The following VARS1 variants were observed in gnomAD, a reference collection of about 807,000 sequenced individuals.
VARS1 encodes valyl-tRNA synthetase 1.
VARS1 carries 92 observed loss-of-function variants against 161.0 expected under a neutral mutation model. The observed-to-expected ratio is 0.57, with a 90% CI of 0.48 to 0.68. VARS1 has a LOEUF of 0.68. Ranked by LOEUF, VARS1 falls within the 30% of genes least tolerant of loss-of-function variation. VARS1 has a pLI of 0.00. For missense variants in VARS1, 1,338 were observed against 1,695.9 expected (o/e 0.79, Z 3.71); for synonymous variants, 595 against 682.5 (o/e 0.87, Z 2.00).
Position 31,779,491 on chromosome 6 carries a change from G to A in VARS1, c.3334C>T (p.Leu1112=), listed in dbSNP as rs747892198. The A allele has an allele frequency of 8.1e-6, 13 of 1,612,752 alleles. No homozygotes were observed. In the Admixed American group the frequency reaches 2.2e-4, roughly 27 times the overall value. Residue 1112 remains leucine, a synonymous_variant, in exon 28 of 30, where the codon CTA becomes TTA. Transcript: ENST00000375663. The surrounding 1 kb of genome is among the most constrained non-coding windows in gnomAD (Gnocchi z 9.1). ...PEAEAALELA[L]SITRAVRSLR... is the part of the protein sequence containing the mutation. The stretch of plus-strand genomic sequence containing the variant: ...GAGCGCACGGCTCGCGTGATGCTTA[G>A]CGCCAGCTCAAGGGCGGCTTCTGCC...
chr6:31,784,250 C>G lies in VARS1; in HGVS notation c.1635G>C (p.Val545=). The change falls in exon 13 of 30, where the codon GTG becomes GTC. Residue 545 remains valine (V), a synonymous_variant. Transcript: ENST00000375663. This position sits in a 1 kb window ranked among gnomAD's most constrained non-coding sequence, Gnocchi z 6.1. Reference sequence around the variant, plus strand: ...TATCTTTGGGGTGCACAGCTACAGCCACATCTCCCAGCATTGTCTCGATCC... The same window carrying G: ...TATCTTTGGGGTGCACAGCTACAGCGACATCTCCCAGCATTGTCTCGATCC... ...TTRIETMLGD[V]AVAVHPKDTR... 1 of 1,614,194 alleles carries G rather than the reference C, an allele frequency of 6.2e-7. No homozygotes were observed. Among genetic ancestry groups the G allele is most frequent in the Admixed American group, 1.7e-5 (1 of 60,022 alleles).
chr6:31,782,160 C>G lies in VARS1; in HGVS notation c.2168G>C (p.Arg723Thr). ...MDNIREWCIS[R>T]QLWWGHRIPA... ...GATGCGATGGCCCCACCACAGCTGCCTGGAAATGCACCACTCCCTGCAAAT... is the reference window on the plus strand; with the variant it reads ...GATGCGATGGCCCCACCACAGCTGCGTGGAAATGCACCACTCCCTGCAAAT... The change falls in exon 18 of 30, where the codon AGG (arginine) becomes ACG (threonine). Residue 723 changes from arginine (R) to threonine (T), a missense_variant. Coordinates refer to ENST00000375663, the MANE Select transcript of VARS1 (RefSeq NM_006295.3). The surrounding 1 kb of genome is among the most constrained non-coding windows in gnomAD (Gnocchi z 8.3). 1 of 1,613,958 alleles carries G rather than the reference C, an allele frequency of 6.2e-7. No individual in the cohort carries two copies. The highest frequency in any genetic ancestry group is 8.5e-7 in the Non-Finnish European group (1 of 1,179,938).
In VARS1 at chr6:31,778,897, G is replaced by A. The variant is rs778087655; in HGVS notation, c.3726+70C>T. 1.0e-5 allele frequency: 16 copies of A among 1,595,766 alleles called. No individual in the cohort carries two copies. In the Admixed American group the frequency reaches 1.0e-4, roughly 10 times the overall value. ...ATTAGTTGTCAACACCACTGCACTC[G>A]GACCAGCCCAGACCAGGGTTTTGAT... On this transcript the variant is annotated intron_variant, in intron 29 of 29. Coordinates refer to ENST00000375663, the MANE Select transcript of VARS1 (RefSeq NM_006295.3). The surrounding 1 kb of genome is among the most constrained non-coding windows in gnomAD (Gnocchi z 5.1).
Position 31,793,232 on chromosome 6 carries a change from A to G in VARS1, c.388-112T>C, listed in dbSNP as rs1814012711. On this transcript the variant is annotated intron_variant, in intron 2 of 29. Transcript: ENST00000375663. ...CCACTCTCACAAATCACCACCTCTGAGTCCCATTTCTTCACTCAAATAGTC... is the reference window on the plus strand; with the variant it reads ...CCACTCTCACAAATCACCACCTCTGGGTCCCATTTCTTCACTCAAATAGTC... 5.1e-6 allele frequency: 7 copies of G among 1,379,460 alleles called. No homozygotes were observed. The Admixed American group carries it at 8.4e-5, about 17-fold the overall frequency. 85.5% of individuals were successfully genotyped at this position (1,379,460 alleles called of 1,614,324 possible). A position where few individuals can be genotyped will look rare whatever the true frequency, so the allele number is the denominator to read the frequency against.
At chr6:31,789,790 G>A (rs1562309489) in intron 8 of VARS1, among the ~76,000 whole-genome samples, 1 of 152,116 alleles carries the variant, frequency 6.6e-6, no homozygotes, top group Non-Finnish European at 1.5e-5. Flanking sequence ...GGAGTCCGAG[G>A]CGGGCGGATC....
chr6:31,780,110 C>A lies in VARS1; in HGVS notation c.2969G>T (p.Arg990Leu), dbSNP rs372518287. Residue 990 changes from arginine to leucine, a missense_variant, in exon 26 of 30, where the codon CGC (arginine) becomes CTC (leucine). Transcript: ENST00000375663. This position sits in a 1 kb window ranked among gnomAD's most constrained non-coding sequence, Gnocchi z 5.1. Reference protein sequence around the residue: ...ESLVDRWIRSRLTEAVRLSNQ... With the variant: ...ESLVDRWIRSLLTEAVRLSNQ... ...GCTGAGCCTCACAGCCTCTGTCAGGCGGCTGCGGATCCAGCGGTCCACCAG... is the reference window on the plus strand; with the variant it reads ...GCTGAGCCTCACAGCCTCTGTCAGGAGGCTGCGGATCCAGCGGTCCACCAG... The A allele has an allele frequency of 3.7e-6, 6 of 1,613,936 alleles. No individual in the cohort carries two copies. Among genetic ancestry groups the A allele is most frequent in the South Asian group, 1.1e-5 (1 of 91,088 alleles).
In VARS1 at chr6:31,780,595, T is replaced by A; in HGVS notation, c.2798-27A>T. 6.2e-7 allele frequency: 1 copy of A among 1,611,696 alleles called. No homozygotes were observed. The highest frequency in any genetic ancestry group is 8.5e-7 in the Non-Finnish European group (1 of 1,178,280). ...TGGGTCGGGGGTGAGATGTGAGTCC[T>A]CATCACCCTCTTCCCAGCCCATGCC... On this transcript the variant is annotated intron_variant, in intron 24 of 29. Transcript: ENST00000375663. The surrounding 1 kb of genome is among the most constrained non-coding windows in gnomAD (Gnocchi z 5.1).
intron 13 of VARS1, 27 bp from the exon 14 acceptor site, chr6:31,783,213 C>A (rs1813277629): frequency 6.2e-7 from 1 of 1,608,178 alleles, no homozygotes; most frequent in East Asian, 2.2e-5. Context: ...ACCAAAAACG[C>A]ATGAAGCAGG....
rs1812998494 is a variant in VARS1, at chr6:31,779,643, T to C, written c.3253A>G (p.Ser1085Gly). 2.5e-6 allele frequency: 4 copies of C among 1,612,704 alleles called. No individual in the cohort carries two copies. Among genetic ancestry groups the C allele is most frequent in the Non-Finnish European group, 3.4e-6 (4 of 1,179,894 alleles). Residue 1085 changes from serine to glycine, a missense_variant, in exon 27 of 30, where the codon AGC (serine) becomes GGC (glycine). Coordinates refer to ENST00000375663, the MANE Select transcript of VARS1 (RefSeq NM_006295.3). The surrounding 1 kb of genome is among the most constrained non-coding windows in gnomAD (Gnocchi z 9.1). ...LPRRMPQAPP[S>G]LCVTPYPEPS... ...TCCGGGTAGGGGGTAACACAGAGGC[T>C]AGGGGGAGCTTGCGGCATCCTCCGG...
At position 31,785,602 on chromosome 6, in the gene VARS1, G is replaced by C. The variant is rs755403480; in HGVS notation, c.1232C>G (p.Ala411Gly). Residue 411 changes from alanine (A) to glycine (G), a missense_variant, in exon 9 of 30, where the codon GCC becomes GGC. Physicochemically the swap from Ala to Gly is moderately conservative, Grantham distance 60. This residue lies in a region of VARS1 where 902 missense variants were observed against 1,090.3 expected (regional missense o/e 0.83). Transcript: ENST00000375663. This position sits in a 1 kb window ranked among gnomAD's most constrained non-coding sequence, Gnocchi z 6.1. ...CCACTTCCAGACTTCCTGTAGAAAG[G>C]CCTCGCGGCCCAGCTGGTGCCGGCT... is the stretch of plus-strand genomic sequence containing the variant. Reference protein sequence around the residue: ...GLSRHQLGREAFLQEVWKWKE... With the variant: ...GLSRHQLGREGFLQEVWKWKE... The C allele has an allele frequency of 3.1e-6, 5 of 1,612,274 alleles. No homozygotes were observed. Among genetic ancestry groups the C allele is most frequent in the Non-Finnish European group, 3.4e-6 (4 of 1,179,716 alleles).
In VARS1 at chr6:31,780,995, T is replaced by C. The variant is rs1813105757; in HGVS notation, c.2649+24A>G. 6.2e-6 allele frequency: 10 copies of C among 1,614,086 alleles called. No individual in the cohort carries two copies. Among genetic ancestry groups the C allele is most frequent in the South Asian group, 1.1e-5 (1 of 91,086 alleles). The stretch of plus-strand genomic sequence containing the variant: ...GTGACCACAGCCCCACGGCCCTTCC[T>C]GGCTGGCCCAGCACCCAGCCCACCT... On this transcript the variant is annotated intron_variant, in intron 22 of 29. Transcript: ENST00000375663. This position sits in a 1 kb window ranked among gnomAD's most constrained non-coding sequence, Gnocchi z 5.1.
In VARS1 at chr6:31,793,028, A is replaced by C. The variant is rs749005756; in HGVS notation, c.480T>G (p.Ala160=). 6.2e-7 allele frequency: 1 copy of C among 1,613,212 alleles called. No individual in the cohort carries two copies. The part of the protein sequence containing the change: ...TYLAGEAPTL[A]DLAAVTALLL... ...GCAAGGCTGTGACAGCCGCCAGGTC[A>C]GCCAGAGTGGGGGCCTCCCCGGCCA... Residue 160 remains alanine, a synonymous_variant, in exon 3 of 30, where the codon GCT becomes GCG. Coordinates refer to ENST00000375663, the MANE Select transcript of VARS1 (RefSeq NM_006295.3).
rs771981529 is a variant in VARS1, at chr6:31,792,529, G to A, written c.662-13C>T. On this transcript the variant is annotated splice_polypyrimidine_tract_variant and intron_variant, in intron 4 of 29. Transcript: ENST00000375663. ...GGAGCCTCGGGGCCTAGAGAGAGGT[G>A]CAGAAATTCAGACTCAGCCAGCTGG... 1.9e-6 allele frequency: 3 copies of A among 1,613,862 alleles called. No individual in the cohort carries two copies. Among genetic ancestry groups the A allele is most frequent in the African/African-American group, 1.3e-5 (1 of 74,928 alleles).
intron 8 of VARS1, among the ~76,000 whole-genome samples, chr6:31,786,013 C>T (rs1581647738): frequency 6.6e-6 from 1 of 151,808 alleles, no homozygotes; most frequent in East Asian, 1.9e-4. Flanking sequence ...GTAATCCCAG[C>T]ACTTTGGGAA....
rs951920971 is a variant in VARS1, at chr6:31,782,662, G to A, written c.1888-29C>T. 8.1e-6 allele frequency: 13 copies of A among 1,613,072 alleles called. No homozygotes were observed. Among genetic ancestry groups the A allele is most frequent in the East Asian group, 4.5e-5 (2 of 44,880 alleles). On this transcript the variant is annotated intron_variant, in intron 15 of 29. Transcript: ENST00000375663. This position sits in a 1 kb window ranked among gnomAD's most constrained non-coding sequence, Gnocchi z 8.3. ...GGTAGGAATGAGGCCTCATCATGGC[G>A]ATGCCCAGCCATCCCTCCATCTCCC...
chr6:31,782,455 C>G lies in VARS1; in HGVS notation c.1992-12G>C. 1 of 1,611,966 alleles carries G rather than the reference C, an allele frequency of 6.2e-7. No homozygotes were observed. Among genetic ancestry groups the G allele is most frequent in the Non-Finnish European group, 8.5e-7 (1 of 1,179,434 alleles). Reference sequence around the variant, plus strand: ...CGTCCTTCGACCGGCTGGGGGTACACGTAGGTGAGAAGGCCAGGCGGTAAA... The same window carrying G: ...CGTCCTTCGACCGGCTGGGGGTACAGGTAGGTGAGAAGGCCAGGCGGTAAA... On this transcript the variant is annotated splice_polypyrimidine_tract_variant and intron_variant, in intron 16 of 29. Transcript: ENST00000375663. This position sits in a 1 kb window ranked among gnomAD's most constrained non-coding sequence, Gnocchi z 8.3.
rs369903710 is a variant in VARS1 at position 31,782,282 on chromosome 6, C to A, written c.2150+3G>T. The A allele has an allele frequency of 3.7e-6, 6 of 1,612,406 alleles. No individual in the cohort carries two copies. The highest frequency in any genetic ancestry group is 5.1e-6 in the Non-Finnish European group (6 of 1,179,520). On this transcript the variant is annotated splice_donor_region_variant and intron_variant, in intron 17 of 29. Transcript: ENST00000375663. The surrounding 1 kb of genome is among the most constrained non-coding windows in gnomAD (Gnocchi z 8.3). ...CCCCTCCCACACTGAGGACCCTACA[C>A]ACCGGATGTTGTCCATCCAGGCATG...
intron 4 of VARS1, 36 bp from the exon 5 acceptor site, chr6:31,792,552 T>G: frequency 6.2e-7 from 1 of 1,613,628 alleles, no homozygotes; most frequent in Non-Finnish European, 8.5e-7. Flanking sequence ...CTCAGCCAGC[T>G]GGGGACCCTC....
Position 31,792,390 on chromosome 6 carries a change from A to C in VARS1, c.786+2T>G. The C allele has an allele frequency of 6.2e-7, 1 of 1,612,896 alleles. No individual in the cohort carries two copies. Among genetic ancestry groups the C allele is most frequent in the South Asian group, 1.1e-5 (1 of 90,988 alleles). ...TTCCTTCCAGCTCCACCCTCGCCTC[A>C]CCTCCCCTGGAGGTGGCTGCTGCTG... is the stretch of plus-strand genomic sequence containing the variant. On this transcript the variant is annotated splice_donor_variant, in intron 5 of 29. Transcript: ENST00000375663. LOFTEE classifies it high-confidence loss of function.
Sources: allele counts gnomAD v4.1 joint callset (sites outside exome capture counted in the v4.1 genomes callset), GRCh38; gene constraint gnomAD v4.1.1; regional missense constraint gnomAD v4.1.1; non-coding constraint Gnocchi (gnomAD v3.1); transcripts MANE v1.5; gene names NCBI Gene and HGNC (gene_info 2026-07-23, HGNC 2026-07-21).